C6: variants seen among roughly 807,000 people sequenced by gnomAD.
C6 encodes the protein complement C6, also known as complement component C6.
A neutral mutation model predicts 112.9 loss-of-function variants in C6; 101 were observed. The observed-to-expected ratio is 0.89, with a 90% CI of 0.76 to 1.06. The LOEUF is 1.06. C6 is among the 50% of genes least tolerant of loss of function. The pLI is 0.00. For synonymous variants in C6, 431 were observed against 384.1 expected, an observed-to-expected ratio of 1.12 and a Z score of -1.43; for missense variants, 1,202 against 1,104.6, an observed-to-expected ratio of 1.09 and a Z score of -1.25.
Position 41,149,448 on chromosome 5 carries a change from C to T in C6, c.2416G>A (p.Asp806Asn). The change falls in exon 17 of 18, where the codon GAC (aspartate) becomes AAC (asparagine). Residue 806 changes from aspartate (D) to asparagine (N), a missense_variant. By Grantham distance (23) the Asp-to-Asn change is conservative (BLOSUM62 1). Transcript: ENST00000337836. ...GGTGAAGTAAAGTAATCGTTGGAGTCTGTGTCAAACACACAGAGATCTTCT... is the reference window on the plus strand; with the variant it reads ...GGTGAAGTAAAGTAATCGTTGGAGTTTGTGTCAAACACACAGAGATCTTCT... ...HSEDLCVFDT[D>N]SNDYFTSPAC... 6.2e-7 allele frequency: 1 copy of T among 1,614,074 alleles called. No individual in the cohort carries two copies. Among genetic ancestry groups the T allele is most frequent in the Non-Finnish European group, 8.5e-7 (1 of 1,179,970 alleles).
chr5:41,187,713 C>G (rs1005353402), intron 5 of C6, among the ~76,000 whole-genome samples: 3 of 151,622 alleles, frequency 2.0e-5, no homozygotes, highest in Admixed American at 2.0e-4. Context: ...CACACACACA[C>G]ACACACACAC....
intron 5 of C6, among the ~76,000 whole-genome samples, chr5:41,193,408 G>T (rs1229741541): frequency 6.6e-6 from 1 of 152,138 alleles, no homozygotes; most frequent in East Asian, 1.9e-4. Flanking sequence ...AAATAATTTA[G>T]TGTTTCACAT....
chr5:41,196,897 T>C (rs924068241), intron 4 of C6, among the ~76,000 whole-genome samples: 6 of 152,068 alleles, frequency 3.9e-5, no homozygotes, highest in African/African-American at 1.4e-4. Flanking sequence ...ATTGAAATAC[T>C]TATGTGCAAT....
Position 41,199,893 on chromosome 5 carries a change from A to C in C6, c.320T>G (p.Leu107Trp). The change falls in exon 4 of 18, where the codon TTG becomes TGG. Residue 107 changes from leucine to tryptophan, a missense_variant. By Grantham distance (61) the Leu-to-Trp change is moderately conservative. Transcript: ENST00000337836. Reference sequence around the variant, plus strand: ...CTGTCCCCCAAACTGACTGGGACGCAAGACAGATCTAACTTTAGACTGAAA... The same window carrying C: ...CTGTCCCCCAAACTGACTGGGACGCCAGACAGATCTAACTTTAGACTGAAA... ...IEKQSKVRSVLRPSQFGGQPC... is the reference protein window; with the variant it reads ...IEKQSKVRSVWRPSQFGGQPC... 1 of 1,613,724 alleles carries C rather than the reference A, an allele frequency of 6.2e-7. No individual in the cohort carries two copies. The highest frequency in any genetic ancestry group is 8.5e-7 in the Non-Finnish European group (1 of 1,179,722).
intron 10 of C6, 45 bp from the exon 11 acceptor site, chr5:41,160,412 G>T: frequency 1.4e-6 from 2 of 1,463,288 alleles, no homozygotes; most frequent in Non-Finnish European, 1.9e-6. Context: ...ATCCCCTTTG[G>T]TAATAGGTTG....
At chr5:41,171,304 A>C in intron 9 of C6, among the ~76,000 whole-genome samples, 1 of 152,196 alleles carries the variant, frequency 6.6e-6, no homozygotes, top group East Asian at 1.9e-4. Context: ...TGATGCCATC[A>C]TCAAGGCTGG....
At chr5:41,200,629 CA>C (rs1750938181) in intron 3 of C6, among the ~76,000 whole-genome samples, 1 of 152,144 alleles carries the variant, frequency 6.6e-6, no homozygotes, top group Non-Finnish European at 1.5e-5. Context: ...AGCTGTTCCA[CA>C]AATGAGTTTC....
intron 1 of C6, among the ~76,000 whole-genome samples, chr5:41,224,637 T>C (rs1465391130): frequency 6.6e-6 from 1 of 152,152 alleles, no homozygotes; most frequent in Non-Finnish European, 1.5e-5. Flanking sequence ...ACATTTTGTT[T>C]ATCTATTTAT....
chr5:41,203,002 T>C, intron 2 of C6, 86 bp downstream of exon 2: 3 of 1,237,064 alleles, frequency 2.4e-6, no homozygotes, highest in Non-Finnish European at 3.6e-6. Context: ...TATGTTCCCA[T>C]TGCTTAGTGT....
At chr5:41,258,163 T>G (rs948336279) in intron 1 of C6, among the ~76,000 whole-genome samples, 17 of 152,188 alleles carry the variant, frequency 1.1e-4, no homozygotes, top group African/African-American at 3.9e-4. Context: ...AAATGTTGAC[T>G]TAAAGCTCTT....
At chr5:41,257,313 G>C (rs1741781947) in intron 1 of C6, among the ~76,000 whole-genome samples, 1 of 152,014 alleles carries the variant, frequency 6.6e-6, no homozygotes, top group Non-Finnish European at 1.5e-5. Context: ...TTAGGATAAT[G>C]ACCTCCAGCT....
chr5:41,227,785 G>A (rs939891426), intron 1 of C6, among the ~76,000 whole-genome samples: 3 of 152,118 alleles, frequency 2.0e-5, no homozygotes, highest in African/African-American at 7.2e-5. Context: ...CCTCAAATAT[G>A]TGGATTTATT....
At chr5:41,186,335 C>T in intron 5 of C6, 127 bp from the exon 6 acceptor site, 2 of 1,003,576 alleles carry the variant, frequency 2.0e-6, no homozygotes, top group Non-Finnish European at 1.5e-6. Flanking sequence ...GAAGGAATCC[C>T]CCACACCTCC....
intron 6 of C6, among the ~76,000 whole-genome samples, chr5:41,182,298 G>C (rs1749421152): frequency 6.8e-6 from 1 of 147,186 alleles, no homozygotes; most frequent in African/African-American, 2.5e-5. Context: ...CATCACACCA[G>C]TCAGGATGTG....
chr5:41,243,685 A>C (rs1249441888), intron 1 of C6, among the ~76,000 whole-genome samples: 1 of 152,104 alleles, frequency 6.6e-6, no homozygotes, highest in Non-Finnish European at 1.5e-5. Context: ...ACTTCTACAC[A>C]CCAAAGCCTA....
chr5:41,172,237 C>G lies in C6; in HGVS notation c.1279G>C (p.Glu427Gln). Reference sequence around the variant, plus strand: ...AGAGTACTGTTACCTTCATGTTTCTCTGACAGCTTGTTGGTGGTGCACCTA... The same window carrying G: ...AGAGTACTGTTACCTTCATGTTTCTGTGACAGCTTGTTGGTGGTGCACCTA... Reference protein sequence around the residue: ...EHRCTTNKLSEKHEGSFIQGA... With the variant: ...EHRCTTNKLSQKHEGSFIQGA... The change falls in exon 9 of 18, where the codon GAG becomes CAG. Residue 427 changes from glutamate to glutamine, a missense_variant. Physicochemically the swap from Glu to Gln is conservative, Grantham distance 29. Coordinates refer to ENST00000337836, the MANE Select transcript of C6 (RefSeq NM_000065.5). 1 of 1,613,804 alleles carries G rather than the reference C, an allele frequency of 6.2e-7. No homozygotes were observed. The highest frequency in any genetic ancestry group is 8.5e-7 in the Non-Finnish European group (1 of 1,179,790).
intron 1 of C6, among the ~76,000 whole-genome samples, chr5:41,247,569 T>A (rs1009108835): frequency 3.3e-5 from 5 of 151,454 alleles, no homozygotes; most frequent in Admixed American, 1.3e-4. Flanking sequence ...TAGAAAAAAA[T>A]TAGCTGGGCA....
At chr5:41,248,158 T>C (rs111490559) in intron 1 of C6, among the ~76,000 whole-genome samples, 10,663 of 147,212 alleles carry the variant, frequency 0.072, 582 homozygotes, top group African/African-American at 0.15. Flanking sequence ...TTTCACCATA[T>C]ACAAAAATTA....
chr5:41,241,150 C>G (rs1740687627), intron 1 of C6, among the ~76,000 whole-genome samples: 1 of 152,100 alleles, frequency 6.6e-6, no homozygotes, highest in African/African-American at 2.4e-5. Context: ...TGGCATGCCC[C>G]AGCAGCAGCA....
Sources: allele counts gnomAD v4.1 joint callset (sites outside exome capture counted in the v4.1 genomes callset), GRCh38; gene constraint gnomAD v4.1.1; transcripts MANE v1.5; gene names NCBI Gene and HGNC (gene_info 2026-07-23, HGNC 2026-07-21).